The following ATP7B variants were observed in gnomAD, a reference collection of about 807,000 sequenced individuals.
The protein encoded by ATP7B is copper-transporting ATPase 2.
In ATP7B, 113 loss-of-function variants were observed where a neutral mutation model predicts 118.9. The ratio of observed to expected loss-of-function variants is 0.95; its 90% CI spans 0.82 to 1.11. ATP7B has a LOEUF of 1.11. ATP7B is among the 50% of genes most tolerant of loss of function. The probability of loss-of-function intolerance (pLI) is 0.00; values close to 1 mark genes in which losing one functional copy is unlikely to be tolerated. For synonymous variants in ATP7B, 777 were observed against 727.4 expected, an observed-to-expected ratio of 1.07 and a Z score of -1.10; for missense variants, 1,867 against 1,871.4, an observed-to-expected ratio of 1.00 and a Z score of 0.04.
intron 15 of ATP7B, 102 bp downstream of exon 15, chr13:51,942,284 C>G: frequency 6.4e-7 from 1 of 1,565,582 alleles, no homozygotes; most frequent in Non-Finnish European, 8.7e-7. Context: ...AGCCATGAAC[C>G]GTCTGCCGCA....
intron 14 of ATP7B, among the ~76,000 whole-genome samples, chr13:51,943,194 C>T (rs1957442364): frequency 1.3e-5 from 2 of 152,276 alleles, no homozygotes; most frequent in South Asian, 4.1e-4. Context: ...ATGGCTGTGA[C>T]ACCGACCTCA....
At chr13:51,966,980 G>A (rs2055504267) in intron 4 of ATP7B, 5 of 1,613,526 alleles carry the variant, frequency 3.1e-6, no homozygotes, top group Non-Finnish European at 4.2e-6. Context: ...ACAGCTGATG[G>A]CAGAAAAACA....
rs1300539915 is a variant in ATP7B at position 51,974,500 on chromosome 13, G to C, written c.720C>G (p.Asn240Lys). The C allele has an allele frequency of 6.2e-7, 1 of 1,614,196 alleles. No individual in the cohort carries two copies. The highest frequency in any genetic ancestry group is 1.7e-5 in the Admixed American group (1 of 60,020). Residue 240 changes from asparagine (N) to lysine (K), a missense_variant, in exon 2 of 21, where the codon AAC becomes AAG. Transcript: ENST00000242839. ...AGGTCTCAGAATTATTAAAATTCTG[G>C]TTAGCAGAAGATAAAGGTCTCTTTG... The part of the protein sequence containing the change: ...TNPKRPLSSA[N>K]QNFNNSETLG...
At chr13:51,966,704 T>C (rs992829293) in intron 4 of ATP7B, 83 of 1,536,616 alleles carry the variant, frequency 5.4e-5, no homozygotes, top group Non-Finnish European at 7.2e-5. Flanking sequence ...CATGCCGACG[T>C]AGACCCTGCT....
intron 1 of ATP7B, among the ~76,000 whole-genome samples, chr13:52,004,743 A>C (rs1300581628): frequency 6.6e-6 from 1 of 152,102 alleles, no homozygotes; most frequent in African/African-American, 2.4e-5. Flanking sequence ...GCCCTGAACT[A>C]TGTAGTCTGG....
In ATP7B at chr13:51,974,443, G is replaced by C; in HGVS notation, c.777C>G (p.Leu259=). 1 of 1,614,002 alleles carries C rather than the reference G, an allele frequency of 6.2e-7. No homozygotes were observed. The highest frequency in any genetic ancestry group is 2.2e-5 in the East Asian group (1 of 44,880). The change falls in exon 2 of 21, where the codon CTC becomes CTG. Residue 259 remains leucine, a synonymous_variant. Coordinates refer to ENST00000242839, the MANE Select transcript of ATP7B (RefSeq NM_000053.4). Reference sequence around the variant, plus strand: ...AATGCATTCCATCTATTCTCAGTTGGAGGGTGACCACATGGCTTCCTTGGT... The same window carrying C: ...AATGCATTCCATCTATTCTCAGTTGCAGGGTGACCACATGGCTTCCTTGGT... ...LGHQGSHVVT[L]QLRIDGMHCK...
intron 1 of ATP7B, among the ~76,000 whole-genome samples, chr13:51,985,439 AAGACTT>A (rs1358640999): frequency 6.6e-6 from 1 of 152,106 alleles, no homozygotes; most frequent in African/African-American, 2.4e-5. Context: ...GACCTACAAA[AAGACTT>A]AGACTTCCAC....
At chr13:51,984,943 G>A (rs1014055630) in intron 1 of ATP7B, among the ~76,000 whole-genome samples, 5 of 152,128 alleles carry the variant, frequency 3.3e-5, no homozygotes, top group Admixed American at 6.5e-5. Flanking sequence ...GGAACAACTG[G>A]TACCAGTCAC....
At chr13:51,947,590 A>C (rs1206139896) in intron 12 of ATP7B, among the ~76,000 whole-genome samples, 1 of 152,230 alleles carries the variant, frequency 6.6e-6, no homozygotes, top group Non-Finnish European at 1.5e-5. Flanking sequence ...TTCACTCTGA[A>C]AGGCAGGATT....
rs1227368750 is a variant in ATP7B, at chr13:51,975,142, G to T, written c.78C>A (p.Thr26=). The part of the protein sequence containing the change: ...RKILSKLSLP[T]RAWEPAMKKS... Reference sequence around the variant, plus strand: ...TCTTCATTGCTGGTTCCCAGGCACGGGTAGGCAAAGAAAGCTTAGATAAGA... The same window carrying T: ...TCTTCATTGCTGGTTCCCAGGCACGTGTAGGCAAAGAAAGCTTAGATAAGA... The change falls in exon 2 of 21, where the codon ACC becomes ACA. Residue 26 remains threonine, a synonymous_variant. Coordinates refer to ENST00000242839, the MANE Select transcript of ATP7B (RefSeq NM_000053.4). 22 of 1,614,056 alleles carry T rather than the reference G, an allele frequency of 1.4e-5. No homozygotes were observed. Among genetic ancestry groups the T allele is most frequent in the Non-Finnish European group, 1.8e-5 (21 of 1,180,042 alleles).
intron 13 of ATP7B, among the ~76,000 whole-genome samples, chr13:51,945,454 G>A (rs1269078653): frequency 1.3e-5 from 2 of 151,992 alleles, no homozygotes; most frequent in Non-Finnish European, 2.9e-5. Context: ...TCCCCATTTT[G>A]GAACACTCTT....
intron 2 of ATP7B, among the ~76,000 whole-genome samples, chr13:51,972,945 G>A (rs1951912078): frequency 6.6e-6 from 1 of 152,210 alleles, no homozygotes; most frequent in Non-Finnish European, 1.5e-5. Flanking sequence ...GTTCAAGGAT[G>A]CAGTGACCTA....
chr13:52,011,294 C>CTGG lies in ATP7B; in HGVS notation c.41_43dup (p.Ala14_Ser15insThr). On this transcript the variant is annotated inframe_insertion, in exon 1 of 21. Coordinates refer to ENST00000242839, the MANE Select transcript of ATP7B (RefSeq NM_000053.4). ...CGGGGGAACAAAACTCACTTTCCGA[C>CTGG]TGGCCCCTTCTCTGGCTGTGATCTG... 6.2e-7 allele frequency: 1 copy of CTGG among 1,614,246 alleles called. No homozygotes were observed. The highest frequency in any genetic ancestry group is 8.5e-7 in the Non-Finnish European group (1 of 1,180,020).
chr13:51,934,896 C>A lies in ATP7B; in HGVS notation c.4258G>T (p.Asp1420Tyr), dbSNP rs1956866398. Reference sequence around the variant, plus strand: ...ACCTGGCTGACATAGCTGACCTGGTCCCATGGTGTGGCCCTGGGGGAGTCC... The same window carrying A: ...ACCTGGCTGACATAGCTGACCTGGTACCATGGTGTGGCCCTGGGGGAGTCC... ...WRDSPRATPW[D>Y]QVSYVSQVSL... is the part of the protein sequence containing the mutation. Residue 1420 changes from aspartate to tyrosine, a missense_variant, in exon 21 of 21, where the codon GAC becomes TAC. Physicochemically the swap from Asp to Tyr is radical, Grantham distance 160 (BLOSUM62 -3). Coordinates refer to ENST00000242839, the MANE Select transcript of ATP7B (RefSeq NM_000053.4). 2 of 1,614,044 alleles carry A rather than the reference C, an allele frequency of 1.2e-6. No homozygotes were observed. Among genetic ancestry groups the A allele is most frequent in the Non-Finnish European group, 1.7e-6 (2 of 1,180,044 alleles).
chr13:51,942,356 A>G (rs1395506910), intron 15 of ATP7B, 30 bp downstream of exon 15: 1 of 1,613,002 alleles, frequency 6.2e-7, no homozygotes, highest in East Asian at 2.2e-5. Context: ...TCTACTTTTA[A>G]CCAGCTGCAG....
intron 1 of ATP7B, among the ~76,000 whole-genome samples, chr13:51,992,241 C>T (rs1262979191): frequency 1.3e-5 from 2 of 152,148 alleles, no homozygotes; most frequent in Non-Finnish European, 2.9e-5. Context: ...CAACGTGCCA[C>T]CTAAAAGCTA....
Position 51,977,672 on chromosome 13 carries a change from C to A in ATP7B, c.52-2504G>T, listed in dbSNP as rs1037158110. Among the ~76,000 whole-genome samples, 4 of 152,150 alleles carry A rather than the reference C, an allele frequency of 2.6e-5. No individual in the cohort carries two copies. In the East Asian group the frequency reaches 5.8e-4, roughly 22 times the overall value. Reference sequence around the variant, plus strand: ...AACCAGTAACATAGTCATTTATTATCGAGTATTATGTACTGTACAGAATTG... The same window carrying A: ...AACCAGTAACATAGTCATTTATTATAGAGTATTATGTACTGTACAGAATTG... On this transcript the variant is annotated intron_variant, in intron 1 of 20. Transcript: ENST00000242839.
intron 1 of ATP7B, among the ~76,000 whole-genome samples, chr13:51,986,749 C>T (rs1952668504): frequency 6.6e-6 from 1 of 152,166 alleles, no homozygotes; most frequent in Non-Finnish European, 1.5e-5. Flanking sequence ...TAGGATGCAG[C>T]AAGGCTGGTT....
In ATP7B at chr13:51,933,506, G is replaced by T. The variant is rs766215788; in HGVS notation, c.*1250C>A. 8 of 152,246 alleles carry T rather than the reference G, an allele frequency of 5.3e-5. No individual in the cohort carries two copies. The highest frequency in any genetic ancestry group is 6.5e-5 in the Admixed American group (1 of 15,286). 9.4% of individuals were successfully genotyped at this position (152,246 alleles called of 1,614,324 possible). Reference sequence around the variant, plus strand: ...CCAACTCTACTAGTTTGCTCCCAAAGGGTTCTGTCAATCACAACCAACTTC... The same window carrying T: ...CCAACTCTACTAGTTTGCTCCCAAATGGTTCTGTCAATCACAACCAACTTC... On this transcript the variant is annotated 3_prime_UTR_variant, in exon 21 of 21. Transcript: ENST00000242839.
Sources: gnomAD v4.1 joint callset for allele counts (sites outside exome capture counted in the v4.1 genomes callset) on GRCh38, gnomAD v4.1.1 for gene constraint, MANE v1.5 for transcripts, NCBI Gene and HGNC (gene_info 2026-07-23, HGNC 2026-07-21) for gene names.